The following DAB1 variants were observed in gnomAD, a reference collection of about 807,000 sequenced individuals.
DAB1 encodes DAB adaptor protein 1, also known as disabled homolog 1.
In DAB1, 15 loss-of-function variants were observed where a neutral mutation model predicts 64.6. The observed-to-expected ratio is 0.23, with a 90% CI of 0.16 to 0.36. The LOEUF (loss-of-function observed/expected upper bound fraction) is 0.36, where lower values mean the gene tolerates loss of function less well. Among genes scored for constraint, DAB1 ranks in the 10% least tolerant of loss-of-function variants. The probability of loss-of-function intolerance (pLI) is 1.00; values close to 1 mark genes in which losing one functional copy is unlikely to be tolerated. For missense variants in DAB1, 596 were observed against 706.7 expected (o/e 0.84, Z 1.78); for synonymous variants, 235 against 251.9 (o/e 0.93, Z 0.64).
chr1:58,134,021 G>A (rs1653801473), intron 5 of DAB1, among the ~76,000 whole-genome samples: 1 of 152,114 alleles, frequency 6.6e-6, no homozygotes, highest in South Asian at 2.1e-4. Flanking sequence ...TAACTAATTA[G>A]CTGTGTGACC....
chr1:58,251,953 G>A (rs1202906016), intron 4 of DAB1, among the ~76,000 whole-genome samples: 3 of 152,148 alleles, frequency 2.0e-5, no homozygotes, highest in African/African-American at 7.2e-5. Context: ...CCCTCTGCCT[G>A]TAGTTCCGCT....
At chr1:57,838,771 CT>C (rs5774374) in intron 1 of DAB1, among the ~76,000 whole-genome samples, 32,597 of 141,162 alleles carry the variant, frequency 0.23, 3,459 homozygotes, top group Admixed American at 0.33. Context: ...TTCTTTCTTC[CT>C]TTTTTTTTTT....
intron 1 of DAB1, among the ~76,000 whole-genome samples, chr1:58,536,944 A>G (rs1646528013): frequency 6.6e-6 from 1 of 152,158 alleles, no homozygotes; most frequent in African/African-American, 2.4e-5. Context: ...CAGTTAAAAA[A>G]TTCTAATACT....
intron 7 of DAB1, among the ~76,000 whole-genome samples, chr1:57,510,854 C>A (rs1360210421): frequency 6.6e-6 from 1 of 152,212 alleles, no homozygotes; most frequent in Admixed American, 6.5e-5. Context: ...TCACGGCTCA[C>A]TGCATCCTCG....
At chr1:57,886,556 T>C (rs2101976508), upstream of DAB1, among the ~76,000 whole-genome samples, 1 of 152,210 alleles carries the variant, frequency 6.6e-6, no homozygotes, top group East Asian at 1.9e-4. Context: ...ATACTTCATA[T>C]CTCATTTAAC....
At chr1:58,277,037 C>CTTTTT in intron 4 of DAB1, among the ~76,000 whole-genome samples, 1 of 79,648 alleles carries the variant, frequency 1.3e-5, no homozygotes, top group Non-Finnish European at 2.3e-5. Flanking sequence ...CTTTTTTTTT[C>CTTTTT]TTTTTTTTTT....
intron 5 of DAB1, among the ~76,000 whole-genome samples, chr1:58,082,568 TA>T (rs1313545788): frequency 1.3e-5 from 2 of 151,854 alleles, no homozygotes; most frequent in African/African-American, 2.4e-5. Context: ...AATATGAAGA[TA>T]GGGGTGGAAG....
chr1:57,345,487 G>T lies in DAB1; in HGVS notation c.-136-54321C>A, dbSNP rs539273719. On this transcript the variant is annotated intron_variant, in intron 1 of 14. Transcript: ENST00000371236. ...CAGAACCAACAGGGGTGACTGAAAAGCCACTGTTTCTTCTTCAGGCTCCAG... is the reference window on the plus strand; with the variant it reads ...CAGAACCAACAGGGGTGACTGAAAATCCACTGTTTCTTCTTCAGGCTCCAG... Among the ~76,000 whole-genome samples, 26 of 152,328 alleles carry T rather than the reference G, an allele frequency of 1.7e-4. 1 individual carries two copies. The South Asian group carries it at 5.4e-3, about 32-fold the overall frequency.
At chr1:58,097,855 CT>C (rs1651082372) in intron 5 of DAB1, among the ~76,000 whole-genome samples, 1 of 152,120 alleles carries the variant, frequency 6.6e-6, no homozygotes. Context: ...AGAAAAACAG[CT>C]TGAAAGCCAC....
At chr1:57,103,551 AG>A in intron 4 of DAB1, among the ~76,000 whole-genome samples, 1 of 152,164 alleles carries the variant, frequency 6.6e-6, no homozygotes. Flanking sequence ...TATGTGTACT[AG>A]GAGTGTGGGG....
chr1:58,490,656 T>G (rs912233284), intron 3 of DAB1, among the ~76,000 whole-genome samples: 6 of 151,890 alleles, frequency 4.0e-5, no homozygotes, highest in Non-Finnish European at 7.4e-5. Context: ...TCACCAAAGT[T>G]GAAATGAAGG....
chr1:58,066,500 C>G (rs1394711145), intron 5 of DAB1, among the ~76,000 whole-genome samples: 1 of 152,156 alleles, frequency 6.6e-6, no homozygotes, highest in Non-Finnish European at 1.5e-5. Context: ...TAACATTATG[C>G]CAGGCCCTGT....
intron 2 of DAB1, among the ~76,000 whole-genome samples, chr1:57,224,545 G>A (rs1667117192): frequency 6.6e-6 from 1 of 152,200 alleles, no homozygotes; most frequent in Non-Finnish European, 1.5e-5. Context: ...AACAGCCAAG[G>A]CTACTTTGAG....
intron 4 of DAB1, among the ~76,000 whole-genome samples, chr1:58,331,989 T>C (rs1205639802): frequency 1.3e-5 from 2 of 152,214 alleles, no homozygotes; most frequent in African/African-American, 4.8e-5. Flanking sequence ...ACCTCATCTC[T>C]TGCCTTTACT....
chr1:57,980,126 A>G (rs1041473223), intron 5 of DAB1, among the ~76,000 whole-genome samples: 4 of 152,118 alleles, frequency 2.6e-5, no homozygotes, highest in African/African-American at 9.7e-5. Flanking sequence ...AATCAAGTTC[A>G]AACTGCTTGG....
At position 57,914,728 on chromosome 1, in the gene DAB1, T is replaced by C. The variant is rs544434032; in HGVS notation, n.388-30566A>G. Among the ~76,000 whole-genome samples the C allele has an allele frequency of 3.9e-5, 6 of 152,358 alleles. No individual in the cohort carries two copies. In the South Asian group the frequency reaches 1.2e-3, roughly 32 times the overall value. On this transcript the variant is annotated intron_variant and non_coding_transcript_variant, in intron 5 of 20. Coordinates refer to the DAB1 transcript ENST00000485760. ...TTAATGAATGACTGTAAACAACCTA[T>C]ATATCTTGTATAACAGAAATGGGTG...
chr1:57,547,225 T>A (rs1644866315), intron 7 of DAB1, among the ~76,000 whole-genome samples: 1 of 149,000 alleles, frequency 6.7e-6, no homozygotes, highest in Non-Finnish European at 1.5e-5. Flanking sequence ...AGACAACAGT[T>A]ACCCAACTGA....
At chr1:57,382,354 G>A (rs145063022) in intron 1 of DAB1, among the ~76,000 whole-genome samples, 2,525 of 152,244 alleles carry the variant, frequency 0.017, 41 homozygotes, top group Non-Finnish European at 0.025. Flanking sequence ...ACCTCCCAAT[G>A]TTGGTTGATC....
intron 7 of DAB1, among the ~76,000 whole-genome samples, chr1:57,453,325 A>G (rs1160218383): frequency 1.3e-5 from 2 of 152,220 alleles, no homozygotes; most frequent in South Asian, 2.1e-4. Context: ...CATGTATGAG[A>G]AAACCTGCTG....
Sources: gnomAD v4.1 joint callset for allele counts (sites outside exome capture counted in the v4.1 genomes callset) on GRCh38, gnomAD v4.1.1 for gene constraint, MANE v1.5 for transcripts, NCBI Gene and HGNC (gene_info 2026-07-23, HGNC 2026-07-21) for gene names.